ATAD2B: variants seen among roughly 807,000 people sequenced by gnomAD.
ATAD2B encodes the protein ATPase family AAA domain-containing protein 2B.
ATAD2B carries 40 observed loss-of-function variants against 167.6 expected under a neutral mutation model. The observed-to-expected ratio is 0.24, with a 90% CI of 0.19 to 0.31. The LOEUF (loss-of-function observed/expected upper bound fraction) is 0.31. ATAD2B is among the 10% of genes least tolerant of loss of function. The pLI, the probability that ATAD2B is intolerant of heterozygous loss-of-function variation, is 1.00. For synonymous variants in ATAD2B, 579 were observed against 596.5 expected (o/e 0.97, Z 0.43); for missense variants, 1,242 against 1,757.2 (o/e 0.71, Z 5.24).
the ATAD2B span, among the ~76,000 whole-genome samples, chr2:23,732,918 G>A: frequency 1.1e-4 from 16 of 152,260 alleles, no homozygotes; most frequent in Admixed American, 6.5e-4. Flanking sequence ...TTAACTAGCT[G>A]TCTCATCTTC....
At chr2:23,909,302 C>T (rs1014245852) in intron 1 of ATAD2B, among the ~76,000 whole-genome samples, 5 of 151,794 alleles carry the variant, frequency 3.3e-5, no homozygotes, top group African/African-American at 4.8e-5. Context: ...CCCAGCTACT[C>T]AGGAGGCTGA....
At chr2:23,834,906 T>A (rs1441398156) in intron 13 of ATAD2B, among the ~76,000 whole-genome samples, 1 of 152,062 alleles carries the variant, frequency 6.6e-6, no homozygotes, top group East Asian at 1.9e-4. Context: ...AAAATATTTT[T>A]AAAAAATTAG....
At position 23,828,968 on chromosome 2, in the gene ATAD2B, T is replaced by A. The variant is rs775563518; in HGVS notation, c.1729-29A>T. ...AGATGAAAAGCACAGATACATAAAA[T>A]CTTGCCCAAGAAGAAAAGTACAGAT... On this transcript the variant is annotated intron_variant, in intron 14 of 27. Coordinates refer to ENST00000238789, the MANE Select transcript of ATAD2B (RefSeq NM_017552.4). The A allele has an allele frequency of 6.9e-6, 10 of 1,458,066 alleles. No individual in the cohort carries two copies. The African/African-American group carries it at 1.1e-4, about 16-fold the overall frequency. The allele number at this position is 1,458,066 out of a possible 1,614,324, so 90.3% of individuals were successfully genotyped here.
chr2:23,680,795 C>T, the ATAD2B span, among the ~76,000 whole-genome samples: 1 of 152,058 alleles, frequency 6.6e-6, no homozygotes, highest in African/African-American at 2.4e-5. This position sits in a 1 kb window ranked among gnomAD's most constrained non-coding sequence, Gnocchi z 4.1. Flanking sequence ...CCTGGGGTCT[C>T]TAGGCCATCT....
chr2:23,734,465 T>C, the ATAD2B span, among the ~76,000 whole-genome samples: 3 of 152,254 alleles, frequency 2.0e-5, no homozygotes, highest in East Asian at 5.8e-4. Context: ...CAGTCAATAC[T>C]GGGTAATTTA....
At chr2:23,871,998 T>C (rs1050073540) in intron 8 of ATAD2B, among the ~76,000 whole-genome samples, 3 of 152,008 alleles carry the variant, frequency 2.0e-5, no homozygotes, top group Non-Finnish European at 4.4e-5. Flanking sequence ...CTGCCTCAAG[T>C]TCCCAAGTAG....
Position 23,799,584 on chromosome 2 carries a change from AAAAAAG to A in ATAD2B, c.2455-1267_2455-1262del, listed in dbSNP as rs1263740472. ...AGACTCCATCTCAAAAAAAAAAAAA[AAAAAAG>A]AAAAGAAAAATTTAATATTTAAAAT... On this transcript the variant is annotated intron_variant, in intron 18 of 27. Coordinates refer to ENST00000238789, the MANE Select transcript of ATAD2B (RefSeq NM_017552.4). Among the ~76,000 whole-genome samples, 828 of 148,782 alleles carry A rather than the reference AAAAAAG, an allele frequency of 5.6e-3. 7 individuals carry two copies. Among genetic ancestry groups the A allele is most frequent in the African/African-American group, 0.02 (802 of 39,422 alleles).
At chr2:23,829,988 G>GA (rs1553412099) in intron 14 of ATAD2B, among the ~76,000 whole-genome samples, 1 of 151,554 alleles carries the variant, frequency 6.6e-6, no homozygotes, top group Non-Finnish European at 1.5e-5. Context: ...TTCTAAAATA[G>GA]TTTTTTTTGT....
intron 8 of ATAD2B, among the ~76,000 whole-genome samples, chr2:23,870,206 C>T (rs1225429862): frequency 9.8e-6 from 1 of 102,024 alleles, no homozygotes; most frequent in East Asian, 3.8e-4. Context: ...GACTCCTTCT[C>T]GGAAAAAAAA....
In ATAD2B at chr2:23,869,701, T is replaced by G; in HGVS notation, c.1038A>C (p.Glu346Asp). ...TTGCCATGCTCTTTGATTTCCTTCTTTCAAAGCGTTCCTCATCAGAAGAAG... is the reference window on the plus strand; with the variant it reads ...TTGCCATGCTCTTTGATTTCCTTCTGTCAAAGCGTTCCTCATCAGAAGAAG... ...DTTSSDEERF[E>D]RRKSKSMARA... is the part of the protein sequence containing the mutation. Residue 346 changes from glutamate to aspartate, a missense_variant, in exon 9 of 28, where the codon GAA becomes GAC. Glu to Asp is a conservative substitution (Grantham distance 45). Transcript: ENST00000238789. 6.4e-7 allele frequency: 1 copy of G among 1,568,500 alleles called. No homozygotes were observed. The highest frequency in any genetic ancestry group is 8.7e-7 in the Non-Finnish European group (1 of 1,154,684).
At chr2:23,761,582 G>GT (rs1432345436) in intron 24 of ATAD2B, among the ~76,000 whole-genome samples, 1 of 152,172 alleles carries the variant, frequency 6.6e-6, no homozygotes, top group Non-Finnish European at 1.5e-5. Flanking sequence ...AAAACAGCAT[G>GT]TATCTTCCAA....
intron 2 of ATAD2B, among the ~76,000 whole-genome samples, chr2:23,890,387 C>A (rs895302169): frequency 6.6e-6 from 1 of 152,064 alleles, no homozygotes; most frequent in African/African-American, 2.4e-5. Flanking sequence ...GAGAAAATTT[C>A]ATTTTTAGCA....
chr2:23,912,886 C>T (rs1558791382), intron 1 of ATAD2B, among the ~76,000 whole-genome samples: 1 of 152,104 alleles, frequency 6.6e-6, no homozygotes, highest in African/African-American at 2.4e-5. Flanking sequence ...ATTTCAGCTA[C>T]TCGGGAGGCC....
At chr2:23,763,634 G>A (rs1317156916) in intron 23 of ATAD2B, among the ~76,000 whole-genome samples, 1 of 152,136 alleles carries the variant, frequency 6.6e-6, no homozygotes, top group Non-Finnish European at 1.5e-5. Context: ...CTGTCACCCA[G>A]GGTGGACTGC....
At chr2:23,695,626 G>A in the ATAD2B span, 18 of 1,549,324 alleles carry the variant, frequency 1.2e-5, no homozygotes, top group South Asian at 3.6e-5. The surrounding 1 kb of genome is among the most constrained non-coding windows in gnomAD (Gnocchi z 7.6). Context: ...CCTGCAGTAC[G>A]CGGCTGAGCT....
rs748097171 is a variant in ATAD2B, at chr2:23,762,279, G to A, written c.3324C>T (p.Val1108=). ...STGARKTETR[V]EEAFRHKQRN... is the part of the protein sequence containing the mutation. The stretch of plus-strand genomic sequence containing the variant: ...TTTGTTTGTGCCGAAATGCCTCTTC[G>A]ACTCTAGTTTCTGTCTTCCGAGCTC... Residue 1108 remains valine, a synonymous_variant, in exon 24 of 28, where the codon GTC becomes GTT. Coordinates refer to ENST00000238789, the MANE Select transcript of ATAD2B (RefSeq NM_017552.4). The A allele has an allele frequency of 8.1e-6, 13 of 1,613,318 alleles. No homozygotes were observed. Among genetic ancestry groups the A allele is most frequent in the Middle Eastern group, 1.7e-4 (1 of 6,056 alleles).
the ATAD2B span, among the ~76,000 whole-genome samples, chr2:23,736,215 T>C: frequency 6.6e-6 from 1 of 151,604 alleles, no homozygotes; most frequent in African/African-American, 2.4e-5. Context: ...AGCTGAACAG[T>C]TCCATAAAGG....
intron 13 of ATAD2B, among the ~76,000 whole-genome samples, 154 bp downstream of exon 13, chr2:23,857,261 C>T (rs1693574617): frequency 6.6e-6 from 1 of 152,182 alleles, no homozygotes. Context: ...CTGTGGTGTG[C>T]TGACCCCTGT....
chr2:23,763,961 T>C (rs1677080513), intron 23 of ATAD2B, among the ~76,000 whole-genome samples: 1 of 152,194 alleles, frequency 6.6e-6, no homozygotes, highest in African/African-American at 2.4e-5. Flanking sequence ...TACTAAGTAG[T>C]ATGCGCTTGT....
Sources: gnomAD v4.1 joint callset for allele counts (sites outside exome capture counted in the v4.1 genomes callset) on GRCh38, gnomAD v4.1.1 for gene constraint, Gnocchi (gnomAD v3.1) non-coding constraint, MANE v1.5 for transcripts, NCBI Gene and HGNC (gene_info 2026-07-23, HGNC 2026-07-21) for gene names.